Variants in DLGAP2 observed in about 807,000 individuals in gnomAD.
DLGAP2 encodes disks large-associated protein 2.
In DLGAP2, 26 loss-of-function variants were observed where a neutral mutation model predicts 100.3. That is an observed-to-expected ratio of 0.26 (90% CI 0.19 to 0.36). DLGAP2 has a LOEUF of 0.36. Among genes scored for constraint, DLGAP2 ranks in the 10% least tolerant of loss-of-function variants. The pLI is 1.00. For synonymous variants in DLGAP2, 886 were observed against 630.1 expected, an observed-to-expected ratio of 1.41 and a Z score of -6.08; for missense variants, 1,858 against 1,453.2, an observed-to-expected ratio of 1.28 and a Z score of -4.53.
At chr8:1,171,712 C>CT (rs1342054221) in intron 2 of DLGAP2, among the ~76,000 whole-genome samples, 4 of 151,784 alleles carry the variant, frequency 2.6e-5, no homozygotes, top group Non-Finnish European at 4.4e-5. Context: ...CAACCCCTGC[C>CT]TTTTTTTGTT....
intron 10 of DLGAP2, among the ~76,000 whole-genome samples, chr8:1,671,206 A>T (rs750324195): frequency 6.6e-6 from 1 of 152,200 alleles, no homozygotes; most frequent in Non-Finnish European, 1.5e-5. Context: ...CTTCTCAAAG[A>T]GGAGAAAATC....
intron 3 of DLGAP2, among the ~76,000 whole-genome samples, chr8:1,295,606 T>G (rs1348206520): frequency 6.6e-6 from 1 of 152,116 alleles, no homozygotes; most frequent in African/African-American, 2.4e-5. Context: ...GGGGAACATG[T>G]GTCAAGGTAG....
chr8:1,568,497 G>C (rs1220447949), intron 6 of DLGAP2, among the ~76,000 whole-genome samples: 4 of 145,582 alleles, frequency 2.7e-5, no homozygotes, highest in Non-Finnish European at 6.0e-5. Flanking sequence ...CTCTGCCCGT[G>C]GCCCCCATGC....
At chr8:1,101,258 G>A (rs1290317062) in intron 2 of DLGAP2, among the ~76,000 whole-genome samples, 1 of 152,154 alleles carries the variant, frequency 6.6e-6, no homozygotes, top group Admixed American at 6.5e-5. Flanking sequence ...TCCAACAAAG[G>A]CTCACTCACC....
intron 1 of DLGAP2, among the ~76,000 whole-genome samples, chr8:878,002 A>G (rs937355130): frequency 7.9e-5 from 12 of 152,192 alleles, no homozygotes; most frequent in African/African-American, 2.9e-4. Flanking sequence ...GCTTCTCTTG[A>G]AAGATATTTC....
chr8:1,381,802 TG>T (rs1295927668), intron 3 of DLGAP2, among the ~76,000 whole-genome samples: 4 of 150,924 alleles, frequency 2.7e-5, no homozygotes, highest in African/African-American at 7.3e-5. Flanking sequence ...TGTGTGTGTG[TG>T]TGTGTGTGTG....
intron 3 of DLGAP2, among the ~76,000 whole-genome samples, chr8:1,303,580 A>G (rs1230908451): frequency 6.6e-6 from 1 of 152,058 alleles, no homozygotes; most frequent in African/African-American, 2.4e-5. Context: ...TTTTATTTTT[A>G]AAGGTGTAAC....
intron 2 of DLGAP2, among the ~76,000 whole-genome samples, chr8:944,710 A>C (rs1799274689): frequency 6.8e-6 from 1 of 147,264 alleles, no homozygotes; most frequent in South Asian, 2.2e-4. Context: ...GACTTTGTGC[A>C]GGTGATCCAG....
chr8:1,574,074 G>T (rs892392021), intron 6 of DLGAP2, among the ~76,000 whole-genome samples: 1 of 152,142 alleles, frequency 6.6e-6, no homozygotes, highest in Non-Finnish European at 1.5e-5. Context: ...TAGGGTAAGC[G>T]GTGGGTAGGA....
At position 1,632,988 on chromosome 8, in the gene DLGAP2, C is replaced by A. The variant is rs551577516; in HGVS notation, c.1752C>A (p.Asp584Glu). Reference protein sequence around the residue: ...RAIQAGYSQDDECIPMMTPSD... With the variant: ...RAIQAGYSQDEECIPMMTPSD... ...TTCAAGCCGGCTACTCCCAAGATGACGAATGTATTCCCATGATGACACCCT... is the reference window on the plus strand; with the variant it reads ...TTCAAGCCGGCTACTCCCAAGATGAAGAATGTATTCCCATGATGACACCCT... The change falls in exon 8 of 15, where the codon GAC becomes GAA. Residue 584 changes from aspartate to glutamate, a missense_variant. Coordinates refer to ENST00000637795, the MANE Select transcript of DLGAP2 (RefSeq NM_001346810.2). The A allele has an allele frequency of 6.2e-7, 1 of 1,613,962 alleles. No homozygotes were observed. The highest frequency in any genetic ancestry group is 1.7e-5 in the Admixed American group (1 of 60,014).
intron 2 of DLGAP2, among the ~76,000 whole-genome samples, chr8:1,219,282 G>C (rs896116023): frequency 1.5e-4 from 23 of 152,098 alleles, no homozygotes; most frequent in Admixed American, 1.4e-3. Context: ...CTTATTTTGA[G>C]ATAAGTTCCT....
intron 1 of DLGAP2, among the ~76,000 whole-genome samples, chr8:846,579 A>G (rs767510184): frequency 2.0e-5 from 3 of 152,220 alleles, no homozygotes; most frequent in Non-Finnish European, 4.4e-5. Flanking sequence ...GATATGATGA[A>G]TAGTGCTGCA....
chr8:1,000,562 C>A (rs923049063), intron 2 of DLGAP2, among the ~76,000 whole-genome samples: 13 of 152,058 alleles, frequency 8.5e-5, no homozygotes, highest in Non-Finnish European at 1.5e-5. Context: ...TTTTCTTTTG[C>A]ACTGGTGTCT....
chr8:1,135,965 C>T (rs1416993118), intron 2 of DLGAP2, among the ~76,000 whole-genome samples: 1 of 152,212 alleles, frequency 6.6e-6, no homozygotes, highest in Non-Finnish European at 1.5e-5. Context: ...CTCTTGGCCA[C>T]AGAGCACAGA....
At chr8:899,642 A>C (rs2128997135) in intron 1 of DLGAP2, among the ~76,000 whole-genome samples, 1 of 152,384 alleles carries the variant, frequency 6.6e-6, no homozygotes, top group South Asian at 2.1e-4. Flanking sequence ...TGGCATCACA[A>C]ACATTAAAAT....
At chr8:1,197,875 C>A (rs1027270411) in intron 2 of DLGAP2, among the ~76,000 whole-genome samples, 1 of 152,164 alleles carries the variant, frequency 6.6e-6, no homozygotes, top group African/African-American at 2.4e-5. Context: ...CTCCTGGGCC[C>A]CCTGCAGTGT....
intron 3 of DLGAP2, among the ~76,000 whole-genome samples, chr8:1,485,271 T>G (rs938488425): frequency 6.6e-6 from 1 of 152,270 alleles, no homozygotes; most frequent in African/African-American, 2.4e-5. Flanking sequence ...AGACCCACTC[T>G]ACGCTGTAAA....
chr8:1,289,357 T>C (rs556531989), intron 3 of DLGAP2, among the ~76,000 whole-genome samples: 1 of 152,296 alleles, frequency 6.6e-6, no homozygotes, highest in Admixed American at 6.5e-5. Context: ...CAAGTCCTGG[T>C]TTTTCAGTGG....
At chr8:1,681,916 C>T (rs1798958523) in intron 12 of DLGAP2, among the ~76,000 whole-genome samples, 1 of 147,982 alleles carries the variant, frequency 6.8e-6, no homozygotes, top group African/African-American at 2.6e-5. Flanking sequence ...GACTGGGAGT[C>T]ACGGCCCTCT....
Sources: gnomAD v4.1 joint callset for allele counts (sites outside exome capture counted in the v4.1 genomes callset) on GRCh38, gnomAD v4.1.1 for gene constraint, MANE v1.5 for transcripts, NCBI Gene and HGNC (gene_info 2026-07-23, HGNC 2026-07-21) for gene names.